NRXN3: variants seen among roughly 807,000 people sequenced by gnomAD.
NRXN3 encodes neurexin 3, also known as neurexin III.
Under a neutral mutation model 137.6 loss-of-function variants are expected in NRXN3, and 32 were observed. The ratio of observed to expected loss-of-function variants is 0.23; its 90% confidence interval spans 0.18 to 0.31. The LOEUF (loss-of-function observed/expected upper bound fraction) is 0.31, where lower values mean the gene tolerates loss of function less well. Ranked by LOEUF, NRXN3 falls within the 10% of genes least tolerant of loss-of-function variation. The pLI, the probability that NRXN3 is intolerant of heterozygous loss-of-function variation, is 1.00. For missense variants in NRXN3, 1,574 were observed against 2,062.5 expected, an observed-to-expected ratio of 0.76 and a Z score of 4.59; for synonymous variants, 798 against 784.5, an observed-to-expected ratio of 1.02 and a Z score of -0.29.
intron 15 of NRXN3, among the ~76,000 whole-genome samples, chr14:79,400,603 A>G (rs2095165099): frequency 1.3e-5 from 2 of 152,214 alleles, no homozygotes; most frequent in Admixed American, 6.5e-5. Context: ...AGCACAGCCT[A>G]CATAACCATT....
intron 4 of NRXN3, among the ~76,000 whole-genome samples, chr14:78,362,713 T>A (rs1337352766): frequency 1.3e-5 from 2 of 152,210 alleles, no homozygotes; most frequent in East Asian, 3.8e-4. Flanking sequence ...TTCATGGCTA[T>A]CAGCTAGATC....
chr14:79,740,589 G>A (rs2098957551), intron 19 of NRXN3, among the ~76,000 whole-genome samples: 1 of 150,346 alleles, frequency 6.7e-6, no homozygotes, highest in South Asian at 2.1e-4. Context: ...TCTCCACCCT[G>A]ACAATAGATA....
intron 20 of NRXN3, among the ~76,000 whole-genome samples, chr14:79,816,134 T>C (rs1427588693): frequency 6.6e-6 from 1 of 152,230 alleles, no homozygotes; most frequent in African/African-American, 2.4e-5. Flanking sequence ...AGCTTGGTCA[T>C]CTTACAGTTG....
chr14:78,613,862 T>A (rs2097323324), intron 4 of NRXN3, among the ~76,000 whole-genome samples: 1 of 152,090 alleles, frequency 6.6e-6, no homozygotes, highest in South Asian at 2.1e-4. Context: ...GAAAACCAAG[T>A]GCATTCTTAA....
chr14:78,337,695 A>G lies in NRXN3; in HGVS notation c.757+39835A>G, dbSNP rs2081635739. Among the ~76,000 whole-genome samples the G allele has an allele frequency of 2.6e-5, 4 of 152,192 alleles. No homozygotes were observed. The South Asian group carries it at 8.3e-4, about 31-fold the overall frequency. ...TCTAAGCACTGAAGGTCTAAATGAA[A>G]TTTAGCTTTCTCAAACATCCTAATT... On this transcript the variant is annotated intron_variant, in intron 4 of 20. Transcript: ENST00000335750.
chr14:79,506,296 G>A (rs2153682878), intron 16 of NRXN3, among the ~76,000 whole-genome samples: 1 of 152,306 alleles, frequency 6.6e-6, no homozygotes, highest in South Asian at 2.1e-4. Flanking sequence ...GGGTATTCCA[G>A]AGAACTACCA....
chr14:79,369,583 C>T (rs1389379016), intron 15 of NRXN3, among the ~76,000 whole-genome samples: 1 of 152,220 alleles, frequency 6.6e-6, no homozygotes, highest in Admixed American at 6.5e-5. Context: ...TAATATCCCA[C>T]TTACATCCTG....
At chr14:78,631,304 G>A (rs2097520821) in intron 4 of NRXN3, among the ~76,000 whole-genome samples, 1 of 152,170 alleles carries the variant, frequency 6.6e-6, no homozygotes, top group African/African-American at 2.4e-5. Flanking sequence ...TTCTAACCAA[G>A]TATTCTTGCT....
chr14:79,386,278 G>T (rs145482157), intron 15 of NRXN3, among the ~76,000 whole-genome samples: 2 of 152,182 alleles, frequency 1.3e-5, no homozygotes, highest in South Asian at 4.1e-4. Context: ...AAATCAATGT[G>T]CAAAAATCAC....
intron 15 of NRXN3, among the ~76,000 whole-genome samples, chr14:79,148,579 A>G (rs1385465312): frequency 6.6e-6 from 1 of 152,122 alleles, no homozygotes; most frequent in Non-Finnish European, 1.5e-5. Flanking sequence ...TCATAAGAAC[A>G]TGGTTCACTT....
intron 19 of NRXN3, among the ~76,000 whole-genome samples, chr14:79,760,262 G>A (rs971266798): frequency 6.6e-6 from 1 of 151,562 alleles, no homozygotes; most frequent in African/African-American, 2.4e-5. Context: ...TAGTTAGAAA[G>A]TCTGAGAACA....
At chr14:79,549,186 G>C (rs918913373) in intron 16 of NRXN3, among the ~76,000 whole-genome samples, 3 of 152,024 alleles carry the variant, frequency 2.0e-5, no homozygotes, top group African/African-American at 7.2e-5. Context: ...TTTCCAACCA[G>C]GGATAGGTTT....
intron 15 of NRXN3, among the ~76,000 whole-genome samples, chr14:79,218,676 G>A (rs1232580109): frequency 1.3e-5 from 2 of 152,156 alleles, no homozygotes; most frequent in African/African-American, 2.4e-5. Flanking sequence ...TCAGAGAATT[G>A]TTAATACAAA....
Position 78,995,922 on chromosome 14 carries a change from T to C in NRXN3, c.3262+7781T>C, listed in dbSNP as rs141681334. ...TTAACCTTTGGTGTTATCTTTTCTATGGAACATCTGTGCTGAACAAAAATC... is the reference window on the plus strand; with the variant it reads ...TTAACCTTTGGTGTTATCTTTTCTACGGAACATCTGTGCTGAACAAAAATC... On this transcript the variant is annotated intron_variant, in intron 15 of 20. Transcript: ENST00000335750. 2.3e-3 allele frequency among the ~76,000 whole-genome samples: 356 copies of C among 152,298 alleles called. 2 individuals are homozygous for C. The highest frequency in any genetic ancestry group is 7.8e-3 in the African/African-American group (323 of 41,578).
rs530905537 is a variant in NRXN3 at position 79,660,207 on chromosome 14, C to A, written c.3445-3571C>A. Among the ~76,000 whole-genome samples the A allele has an allele frequency of 4.7e-4, 72 of 152,132 alleles. 1 individual carries two copies. Among genetic ancestry groups the A allele is most frequent in the Non-Finnish European group, 5.9e-5 (4 of 68,024 alleles). On this transcript the variant is annotated intron_variant, in intron 16 of 20. Coordinates refer to ENST00000335750, the MANE Select transcript of NRXN3 (RefSeq NM_001330195.2). Reference sequence around the variant, plus strand: ...TGTGCATGATAGTTTCAAGCCTGGGCAACTCTATGGGTATTCGCCACAAGG... The same window carrying A: ...TGTGCATGATAGTTTCAAGCCTGGGAAACTCTATGGGTATTCGCCACAAGG...
intron 15 of NRXN3, among the ~76,000 whole-genome samples, chr14:78,991,508 C>T (rs1052320825): frequency 6.6e-6 from 1 of 152,088 alleles, no homozygotes; most frequent in Non-Finnish European, 1.5e-5. Flanking sequence ...TCTCATTTTC[C>T]AGAAGCTGTT....
intron 15 of NRXN3, among the ~76,000 whole-genome samples, chr14:79,242,282 T>C (rs2074431574): frequency 6.6e-6 from 1 of 152,056 alleles, no homozygotes; most frequent in Non-Finnish European, 1.5e-5. Context: ...GCTCAGATCC[T>C]AGAAGATCAG....
intron 4 of NRXN3, chr14:78,403,915 T>G: frequency 3.1e-6 from 3 of 980,252 alleles, no homozygotes; most frequent in Non-Finnish European, 3.6e-6. Context: ...AGAAAAGATA[T>G]GTGAGCTGCG....
chr14:79,576,339 G>A (rs1294267080), intron 16 of NRXN3, among the ~76,000 whole-genome samples: 1 of 152,098 alleles, frequency 6.6e-6, no homozygotes, highest in East Asian at 1.9e-4. Context: ...TAGAAAGAGA[G>A]AAATCAGAAT....
Sources: gnomAD v4.1 joint callset for allele counts (sites outside exome capture counted in the v4.1 genomes callset) on GRCh38, gnomAD v4.1.1 for gene constraint, MANE v1.5 for transcripts, NCBI Gene and HGNC (gene_info 2026-07-23, HGNC 2026-07-21) for gene names.